The following IGF1R variants were observed in gnomAD, a reference collection of about 807,000 sequenced individuals.
IGF1R encodes insulin-like growth factor 1 receptor.
IGF1R carries 44 observed loss-of-function variants against 144.6 expected under a neutral mutation model. The observed-to-expected ratio is 0.30, with a 90% CI of 0.24 to 0.39. The LOEUF (loss-of-function observed/expected upper bound fraction) is 0.39. Among genes scored for constraint, IGF1R ranks in the 10% least tolerant of loss-of-function variants. The pLI is 1.00. For synonymous variants in IGF1R, 795 were observed against 722.8 expected, an observed-to-expected ratio of 1.10 and a Z score of -1.60; for missense variants, 1,355 against 1,833.7, an observed-to-expected ratio of 0.74 and a Z score of 4.77.
intron 1 of IGF1R, among the ~76,000 whole-genome samples, chr15:98,685,557 C>G (rs942963105): frequency 6.6e-6 from 1 of 152,164 alleles, no homozygotes; most frequent in South Asian, 2.1e-4. Flanking sequence ...TGTGTCCCTT[C>G]GGTATCTTCC....
At chr15:98,734,893 G>A (rs2054577094) in intron 2 of IGF1R, 1 of 152,114 alleles carries the variant, frequency 6.6e-6, no homozygotes, top group Non-Finnish European at 1.5e-5. Flanking sequence ...GTAGGTTCAG[G>A]TTTCTATGCA....
chr15:98,758,375 T>A (rs1018010378), intron 2 of IGF1R, among the ~76,000 whole-genome samples: 2 of 152,128 alleles, frequency 1.3e-5, no homozygotes, highest in Non-Finnish European at 2.9e-5. Flanking sequence ...GGCTCCTGCG[T>A]CGTCCTCAGT....
chr15:98,956,036 A>G (rs896775743), intron 20 of IGF1R, among the ~76,000 whole-genome samples: 2 of 152,246 alleles, frequency 1.3e-5, no homozygotes, highest in Non-Finnish European at 2.9e-5. Context: ...GATGGTAGCC[A>G]GCTGCTTTTT....
chr15:98,719,298 A>G (rs967708575), intron 2 of IGF1R, among the ~76,000 whole-genome samples: 1 of 152,180 alleles, frequency 6.6e-6, no homozygotes, highest in African/African-American at 2.4e-5. Context: ...GGGACTGTCC[A>G]GGCAGCACCA....
chr15:98,722,222 G>T (rs1039635700), intron 2 of IGF1R, among the ~76,000 whole-genome samples: 1 of 152,194 alleles, frequency 6.6e-6, no homozygotes, highest in African/African-American at 2.4e-5. Flanking sequence ...AACTTATGCG[G>T]TGTGACGAGA....
chr15:98,725,385 CT>C (rs148068493), intron 2 of IGF1R, among the ~76,000 whole-genome samples: 1 of 152,074 alleles, frequency 6.6e-6, no homozygotes, highest in Non-Finnish European at 1.5e-5. Flanking sequence ...GAAAGGGCAT[CT>C]TTTTTTTCCC....
chr15:98,798,353 G>A (rs2056293233), intron 2 of IGF1R, among the ~76,000 whole-genome samples: 1 of 152,186 alleles, frequency 6.6e-6, no homozygotes. Flanking sequence ...ATCTTGGTGG[G>A]GGATGGGGTA....
In IGF1R at chr15:98,957,395, C is replaced by T. The variant is rs373440147; in HGVS notation, c.4057C>T (p.Arg1353Cys). The T allele has an allele frequency of 1.1e-5, 18 of 1,613,188 alleles. No homozygotes were observed. The highest frequency in any genetic ancestry group is 1.6e-4 in the Middle Eastern group (1 of 6,074). Reference sequence around the variant, plus strand: ...GCCTTACGCCCACATGAACGGGGGCCGCAAGAACGAGCGGGCCTTGCCGCT... The same window carrying T: ...GCCTTACGCCCACATGAACGGGGGCTGCAAGAACGAGCGGGCCTTGCCGCT... ...RQPYAHMNGGRKNERALPLPQ... is the reference protein window; with the variant it reads ...RQPYAHMNGGCKNERALPLPQ... Residue 1353 changes from arginine to cysteine, a missense_variant, in exon 21 of 21, where the codon CGC (arginine) becomes TGC (cysteine). Arg to Cys is a radical substitution (Grantham distance 180, BLOSUM62 -3). Coordinates refer to ENST00000650285, the MANE Select transcript of IGF1R (RefSeq NM_000875.5).
chr15:98,908,819 G>T lies in IGF1R; in HGVS notation c.1382G>T (p.Arg461Leu), dbSNP rs187980012. Residue 461 changes from arginine (R) to leucine (L), a missense_variant, in exon 6 of 21, where the codon CGC becomes CTC. By Grantham distance (102) the Arg-to-Leu change is moderately radical. Coordinates refer to ENST00000650285, the MANE Select transcript of IGF1R (RefSeq NM_000875.5). Reference sequence around the variant, plus strand: ...AAATTATGTGTTTCCGAAATTTACCGCATGGAGGAAGTGACGGGGACTAAA... The same window carrying T: ...AAATTATGTGTTTCCGAAATTTACCTCATGGAGGAAGTGACGGGGACTAAA... ...NPKLCVSEIY[R>L]MEEVTGTKGR... is the part of the protein sequence containing the mutation. 4 of 1,614,130 alleles carry T rather than the reference G, an allele frequency of 2.5e-6. No homozygotes were observed. Among genetic ancestry groups the T allele is most frequent in the East Asian group, 2.2e-5 (1 of 44,892 alleles).
chr15:98,721,713 A>G (rs1029364586), intron 2 of IGF1R, among the ~76,000 whole-genome samples: 1 of 152,162 alleles, frequency 6.6e-6, no homozygotes, highest in African/African-American at 2.4e-5. Flanking sequence ...GAATTTTATA[A>G]AGAGATTTAC....
intron 6 of IGF1R, among the ~76,000 whole-genome samples, chr15:98,910,684 G>T (rs978341250): frequency 2.6e-5 from 4 of 152,226 alleles, no homozygotes. Context: ...ACTTCCCATA[G>T]AGCACGTTAG....
At chr15:98,767,666 T>C (rs2055468494) in intron 2 of IGF1R, among the ~76,000 whole-genome samples, 1 of 152,208 alleles carries the variant, frequency 6.6e-6, no homozygotes, top group African/African-American at 2.4e-5. Context: ...AGAATTAATG[T>C]ATTAAAACAT....
At chr15:98,860,442 A>G (rs1032475201) in intron 2 of IGF1R, among the ~76,000 whole-genome samples, 3 of 152,216 alleles carry the variant, frequency 2.0e-5, no homozygotes, top group African/African-American at 4.8e-5. Flanking sequence ...TCGAGCAATG[A>G]CCAGATGATG....
At chr15:98,747,031 A>G (rs2054884866) in intron 2 of IGF1R, among the ~76,000 whole-genome samples, 1 of 152,182 alleles carries the variant, frequency 6.6e-6, no homozygotes, top group African/African-American at 2.4e-5. Flanking sequence ...TAATTGTTTC[A>G]AGCTATCAGT....
At chr15:98,914,754 C>T (rs1787732081) in intron 8 of IGF1R, among the ~76,000 whole-genome samples, 2 of 152,172 alleles carry the variant, frequency 1.3e-5, no homozygotes, top group East Asian at 1.9e-4. Context: ...CAGTTCACTA[C>T]GTTTTGTCCT....
At chr15:98,859,853 A>C (rs147619932) in intron 2 of IGF1R, among the ~76,000 whole-genome samples, 313 of 152,326 alleles carry the variant, frequency 2.1e-3, no homozygotes, top group African/African-American at 7.2e-3. Flanking sequence ...TCTGTACTGT[A>C]TATTTTTGTG....
chr15:98,909,267 T>TCTTTTTC (rs10667542), intron 6 of IGF1R, among the ~76,000 whole-genome samples: 24 of 124,078 alleles, frequency 1.9e-4, no homozygotes, highest in South Asian at 8.3e-4. Context: ...TTTTCTTTTT[T>TCTTTTTC]TTTTTTTTTT....
rs1286656043 is a variant in IGF1R, at chr15:98,913,411, C to G, written c.1828+129C>G. 6 of 802,642 alleles carry G rather than the reference C, an allele frequency of 7.5e-6. No individual in the cohort carries two copies. In the African/African-American group the frequency reaches 8.4e-5, roughly 11 times the overall value. 49.7% of individuals were successfully genotyped at this position (802,642 alleles called of 1,614,324 possible). A position where few individuals can be genotyped will look rare whatever the true frequency, so the allele number is the denominator to read the frequency against. On this transcript the variant is annotated intron_variant, in intron 8 of 20. Transcript: ENST00000650285. ...TTGTCTTTCTTGTCAATAGGTAATA[C>G]TGTGTCATATTCATTTCCCCACTGC...
At chr15:98,930,455 T>C (rs904873192) in intron 15 of IGF1R, 150 bp downstream of exon 15, 16 of 612,832 alleles carry the variant, frequency 2.6e-5, no homozygotes, top group Non-Finnish European at 3.2e-5. Context: ...TTTCTTTCTT[T>C]CTTTTTTTTT....
Sources: allele counts gnomAD v4.1 joint callset (sites outside exome capture counted in the v4.1 genomes callset), GRCh38; gene constraint gnomAD v4.1.1; transcripts MANE v1.5; gene names NCBI Gene and HGNC (gene_info 2026-07-23, HGNC 2026-07-21).